The following KAZN variants were observed in gnomAD, a reference collection of about 807,000 sequenced individuals.
KAZN encodes the protein kazrin, periplakin interacting protein, also known as kazrin.
KAZN carries 40 observed loss-of-function variants against 87.4 expected under a neutral mutation model. The observed-to-expected ratio is 0.46, with a 90% CI of 0.36 to 0.60. KAZN has a LOEUF of 0.60. Among genes scored for constraint, KAZN ranks in the 20% least tolerant of loss-of-function variants. The pLI is 0.00. For synonymous variants in KAZN, 466 were observed against 458.3 expected, an observed-to-expected ratio of 1.02 and a Z score of -0.22; for missense variants, 898 against 1,073.9, an observed-to-expected ratio of 0.84 and a Z score of 2.29.
intron 2 of KAZN, among the ~76,000 whole-genome samples, chr1:14,280,475 G>A (rs1652768132): frequency 6.6e-6 from 1 of 150,944 alleles, no homozygotes; most frequent in Non-Finnish European, 1.5e-5. Flanking sequence ...ACTCAGACAG[G>A]CACACAAGGT....
At chr1:14,746,445 C>T (rs1304955554) in intron 1 of KAZN, among the ~76,000 whole-genome samples, 2 of 152,090 alleles carry the variant, frequency 1.3e-5, no homozygotes, top group African/African-American at 4.8e-5. Flanking sequence ...AGGTCACTGG[C>T]AGACAATTAC....
intron 1 of KAZN, among the ~76,000 whole-genome samples, chr1:13,954,594 A>C (rs1194734233): frequency 6.7e-6 from 1 of 149,776 alleles, no homozygotes; most frequent in Non-Finnish European, 1.5e-5. Flanking sequence ...AACTCATAGA[A>C]GAATTTCAAA....
intron 1 of KAZN, among the ~76,000 whole-genome samples, chr1:14,880,698 C>T (rs1653245185): frequency 6.6e-6 from 1 of 152,184 alleles, no homozygotes; most frequent in African/African-American, 2.4e-5. Context: ...GCTGGGACTG[C>T]CAACTGGACT....
At chr1:14,307,461 A>G (rs1480030981) in intron 2 of KAZN, among the ~76,000 whole-genome samples, 1 of 152,204 alleles carries the variant, frequency 6.6e-6, no homozygotes, top group Admixed American at 6.5e-5. Flanking sequence ...TCATGTCTAC[A>G]CCTATGCTAC....
At chr1:14,863,352 G>T (rs1031793863) in intron 1 of KAZN, among the ~76,000 whole-genome samples, 5 of 152,314 alleles carry the variant, frequency 3.3e-5, no homozygotes, top group African/African-American at 1.2e-4. Flanking sequence ...CAGACACTCT[G>T]TCCCTCCGGG....
chr1:14,366,737 G>A (rs953080000), intron 2 of KAZN, among the ~76,000 whole-genome samples: 6 of 152,332 alleles, frequency 3.9e-5, no homozygotes, highest in African/African-American at 1.2e-4. Context: ...TGCCATCCAC[G>A]GATGGCTTAA....
At chr1:14,665,114 A>G (rs555988586) in intron 1 of KAZN, among the ~76,000 whole-genome samples, 8 of 152,274 alleles carry the variant, frequency 5.3e-5, no homozygotes, top group Admixed American at 5.2e-4. Context: ...CGCTGCCCCA[A>G]CAAAGATGGT....
At chr1:14,687,744 T>A (rs1295145887) in intron 1 of KAZN, among the ~76,000 whole-genome samples, 1 of 152,230 alleles carries the variant, frequency 6.6e-6, no homozygotes, top group African/African-American at 2.4e-5. Flanking sequence ...GGGACTCGGA[T>A]GATTTATCGG....
At chr1:14,746,724 G>A (rs1024011076) in intron 1 of KAZN, among the ~76,000 whole-genome samples, 1 of 152,116 alleles carries the variant, frequency 6.6e-6, no homozygotes, top group Non-Finnish European at 1.5e-5. Flanking sequence ...ATGGGGTGTG[G>A]GTTTTAGTCA....
At chr1:14,188,867 C>G (rs1646368132) in intron 2 of KAZN, among the ~76,000 whole-genome samples, 1 of 152,092 alleles carries the variant, frequency 6.6e-6, no homozygotes, top group Non-Finnish European at 1.5e-5. Context: ...TATTTAGTAT[C>G]TTTTTAAGGT....
chr1:14,898,018 A>G (rs894767335), intron 1 of KAZN, among the ~76,000 whole-genome samples: 1 of 152,236 alleles, frequency 6.6e-6, no homozygotes, highest in African/African-American at 2.4e-5. Context: ...TCCACTTCAT[A>G]GGGTTTTTGA....
At chr1:14,309,307 T>A (rs1163522578) in intron 2 of KAZN, among the ~76,000 whole-genome samples, 1 of 152,180 alleles carries the variant, frequency 6.6e-6, no homozygotes, top group Non-Finnish European at 1.5e-5. Context: ...TTAATAAAAA[T>A]TGATTTATAT....
chr1:13,908,966 C>T lies in KAZN; in HGVS notation c.91+15210C>T, dbSNP rs192477954. On this transcript the variant is annotated intron_variant, in intron 1 of 16. Transcript: ENST00000636203. Reference sequence around the variant, plus strand: ...TACTCCTTGGGCTGCCTTTTGTTTTCGCAAAGCAGCAGAGCTCGCAGGTTT... The same window carrying T: ...TACTCCTTGGGCTGCCTTTTGTTTTTGCAAAGCAGCAGAGCTCGCAGGTTT... Among the ~76,000 whole-genome samples, 593 of 152,304 alleles carry T rather than the reference C, an allele frequency of 3.9e-3. 3 individuals carry two copies. Among genetic ancestry groups the T allele is most frequent in the African/African-American group, 0.014 (566 of 41,554 alleles).
chr1:14,346,464 G>C (rs1406138305), intron 2 of KAZN, among the ~76,000 whole-genome samples: 1 of 152,114 alleles, frequency 6.6e-6, no homozygotes, highest in Non-Finnish European at 1.5e-5. Flanking sequence ...ACTGTCCCCT[G>C]GGAAAGCTTG....
At chr1:14,014,223 C>T (rs1640458484) in intron 1 of KAZN, among the ~76,000 whole-genome samples, 1 of 151,942 alleles carries the variant, frequency 6.6e-6, no homozygotes, top group Admixed American at 6.6e-5. Flanking sequence ...TGTAATTGTT[C>T]TGCCGAATCT....
At chr1:14,229,186 G>A (rs181141497) in intron 2 of KAZN, among the ~76,000 whole-genome samples, 18 of 152,158 alleles carry the variant, frequency 1.2e-4, no homozygotes, top group Non-Finnish European at 1.2e-4. Flanking sequence ...AAGAAAAATA[G>A]CTTGTGGTTC....
chr1:14,306,686 G>T (rs140805689), intron 2 of KAZN, among the ~76,000 whole-genome samples: 22 of 152,266 alleles, frequency 1.4e-4, no homozygotes, highest in African/African-American at 5.1e-4. Flanking sequence ...ATAGCCCAGG[G>T]TGTTCAGAAT....
At chr1:14,759,721 G>A (rs950511402) in intron 1 of KAZN, among the ~76,000 whole-genome samples, 8 of 152,250 alleles carry the variant, frequency 5.3e-5, no homozygotes, top group African/African-American at 9.6e-5. Flanking sequence ...GGAGTCAGAC[G>A]GGGATTGGGA....
intron 2 of KAZN, among the ~76,000 whole-genome samples, chr1:14,291,180 T>G (rs1653660652): frequency 6.6e-6 from 1 of 152,214 alleles, no homozygotes; most frequent in South Asian, 2.1e-4. Flanking sequence ...TTCTCAGAGC[T>G]CAAACACCAT....
Sources: gnomAD v4.1 joint callset for allele counts (sites outside exome capture counted in the v4.1 genomes callset) on GRCh38, gnomAD v4.1.1 for gene constraint, MANE v1.5 for transcripts, NCBI Gene and HGNC (gene_info 2026-07-23, HGNC 2026-07-21) for gene names.